PFKFB3: variants seen among roughly 807,000 people sequenced by gnomAD.
PFKFB3 encodes 6-phosphofructo-2-kinase/fructose-2,6-bisphosphatase 3.
Under a neutral mutation model 68.0 loss-of-function variants are expected in PFKFB3, and 33 were observed. The observed-to-expected ratio is 0.49, with a 90% CI of 0.37 to 0.65. PFKFB3 has a LOEUF of 0.65. PFKFB3 is among the 30% of genes least tolerant of loss of function. PFKFB3 has a pLI of 0.00. For synonymous variants in PFKFB3, 315 were observed against 288.2 expected (o/e 1.09, Z -0.94); for missense variants, 586 against 712.2 (o/e 0.82, Z 2.02).
downstream of PFKFB3, among the ~76,000 whole-genome samples, chr10:6,240,091 A>G (rs1846106189): frequency 1.3e-5 from 2 of 152,208 alleles, no homozygotes; most frequent in South Asian, 2.1e-4. Flanking sequence ...TACATTCACA[A>G]TAGTCTTTTA....
intron 1 of PFKFB3, among the ~76,000 whole-genome samples, chr10:6,210,275 A>G (rs181908206): frequency 2.5e-5 from 3 of 119,200 alleles, no homozygotes; most frequent in African/African-American, 7.8e-5. Context: ...CATCTGTCCA[A>G]GACAGTGGTG....
chr10:6,189,944 T>C (rs1377451607), intron 1 of PFKFB3, among the ~76,000 whole-genome samples: 1 of 152,040 alleles, frequency 6.6e-6, no homozygotes, highest in Non-Finnish European at 1.5e-5. Context: ...CAAATATCTG[T>C]TTTTATTTTT....
chr10:6,254,360 C>T (rs1807754476), exon 15 of PFKFB3: 1 of 398,520 alleles, frequency 2.5e-6, no homozygotes, highest in Non-Finnish European at 4.4e-6. Flanking sequence ...CTGCGGCAAG[C>T]GGCTCCTAAT....
intron 6 of PFKFB3, 58 bp from the exon 7 acceptor site, chr10:6,219,511 A>C (rs1844807413): frequency 6.8e-6 from 11 of 1,606,504 alleles, no homozygotes; most frequent in Non-Finnish European, 9.4e-6. Context: ...AATCCTGCTT[A>C]ATCTCAGCAG....
Position 6,221,679 on chromosome 10 carries a change from C to T in PFKFB3, c.1017C>T (p.Asp339=). ...AGCTGACCTACGAGGAGATCAGGGA[C>T]ACCTACCCTGAGGAGTATGCGCTGC... The part of the protein sequence containing the change: ...CEELTYEEIR[D]TYPEEYALRE... The change falls in exon 10 of 15, where the codon GAC becomes GAT. Residue 339 remains aspartate, a synonymous_variant. Coordinates refer to ENST00000379775, the MANE Select transcript of PFKFB3 (RefSeq NM_004566.4). The T allele has an allele frequency of 5.6e-6, 9 of 1,610,934 alleles. No individual in the cohort carries two copies. The highest frequency in any genetic ancestry group is 7.6e-6 in the Non-Finnish European group (9 of 1,178,936).
the PFKFB3 span, among the ~76,000 whole-genome samples, chr10:6,292,011 T>A: frequency 7.1e-6 from 1 of 140,978 alleles, no homozygotes; most frequent in Non-Finnish European, 1.5e-5. Context: ...TGGCATACAG[T>A]GGTTTGATCT....
intron 14 of PFKFB3, among the ~76,000 whole-genome samples, chr10:6,241,796 T>C (rs1283199077): frequency 6.6e-6 from 1 of 152,132 alleles, no homozygotes; most frequent in Non-Finnish European, 1.5e-5. Context: ...ATTTGTATTG[T>C]GGTGTTCTAA....
rs557742706 is a variant in PFKFB3 at position 6,234,921 on chromosome 10, G to A, written c.*1979G>A. 3 of 151,234 alleles carry A rather than the reference G, an allele frequency of 2.0e-5. No individual in the cohort carries two copies. In the South Asian group the frequency reaches 6.3e-4, roughly 32 times the overall value. 9.4% of individuals were successfully genotyped at this position (151,234 alleles called of 1,614,324 possible). On this transcript the variant is annotated 3_prime_UTR_variant, in exon 15 of 15. Coordinates refer to ENST00000379775, the MANE Select transcript of PFKFB3 (RefSeq NM_004566.4). ...GCGAAGGGCCTAGATAGGGAGAGAGGTAACATGAATCTGGACAGGGAGGGA... is the reference window on the plus strand; with the variant it reads ...GCGAAGGGCCTAGATAGGGAGAGAGATAACATGAATCTGGACAGGGAGGGA...
intron 6 of PFKFB3, 46 bp from the exon 7 acceptor site, chr10:6,219,523 A>C: frequency 6.2e-7 from 1 of 1,612,288 alleles, no homozygotes; most frequent in South Asian, 1.1e-5. Context: ...TCTCAGCAGA[A>C]AGCCTTCCAG....
intron 1 of PFKFB3, among the ~76,000 whole-genome samples, chr10:6,211,717 G>T (rs540657769): frequency 1.3e-5 from 2 of 152,332 alleles, no homozygotes; most frequent in Non-Finnish European, 2.9e-5. Context: ...ATCTGTTTTC[G>T]AGGAACTGTT....
chr10:6,226,588 G>C (rs1198043975), intron 14 of PFKFB3: 1 of 554,622 alleles, frequency 1.8e-6, no homozygotes, highest in African/African-American at 2.0e-5. Context: ...TTAAGATCCT[G>C]GGGGCTTTCC....
chr10:6,294,575 C>CACATGACACAT, the PFKFB3 span: 1 of 166,980 alleles, frequency 6.0e-6, no homozygotes, highest in African/African-American at 2.4e-5. Context: ...ATGGGAATTA[C>CACATGACACAT]GGGAGCTACA....
chr10:6,231,441 A>G (rs1311016210), intron 14 of PFKFB3: 3 of 1,515,980 alleles, frequency 2.0e-6, no homozygotes, highest in Non-Finnish European at 2.6e-6. Context: ...GTGCAACACC[A>G]TTGTCGTGAG....
At chr10:6,175,675 A>G (rs138755854) in intron 1 of PFKFB3, among the ~76,000 whole-genome samples, 313 of 152,352 alleles carry the variant, frequency 2.1e-3, no homozygotes, top group African/African-American at 7.0e-3. Flanking sequence ...GTAAGCCAAA[A>G]AAAGCTTAGC....
the PFKFB3 span, among the ~76,000 whole-genome samples, chr10:6,290,761 C>T: frequency 1.3e-5 from 2 of 152,110 alleles, no homozygotes; most frequent in Non-Finnish European, 2.9e-5. Context: ...GCCTTGGCCT[C>T]CCAGAGTGTT....
At chr10:6,288,325 T>G in the PFKFB3 span, among the ~76,000 whole-genome samples, 3 of 149,876 alleles carry the variant, frequency 2.0e-5, no homozygotes, top group Non-Finnish European at 3.0e-5. Context: ...TTAGCATTAG[T>G]TATATCTCCT....
At position 6,222,830 on chromosome 10, in the gene PFKFB3, C is replaced by T. The variant is rs372111622; in HGVS notation, c.1084-25C>T. ...GCCCCTCCCGAGTGCCCTGAGCTCACGTGGGCCCGGCCCTCTGTGCTCAGT... is the reference window on the plus strand; with the variant it reads ...GCCCCTCCCGAGTGCCCTGAGCTCATGTGGGCCCGGCCCTCTGTGCTCAGT... On this transcript the variant is annotated intron_variant, in intron 10 of 14. Transcript: ENST00000379775. The T allele has an allele frequency of 1.2e-4, 200 of 1,601,958 alleles. No individual in the cohort carries two copies. In the African/African-American group the frequency reaches 2.2e-3, roughly 17 times the overall value.
chr10:6,225,619 G>A (rs1845288997), intron 13 of PFKFB3, among the ~76,000 whole-genome samples: 2 of 152,212 alleles, frequency 1.3e-5, no homozygotes, highest in South Asian at 4.1e-4. Context: ...GCTGTGTCTG[G>A]TCCTGGCCGC....
At chr10:6,166,428 C>T (rs1235285116) in intron 1 of PFKFB3, among the ~76,000 whole-genome samples, 1 of 152,048 alleles carries the variant, frequency 6.6e-6, no homozygotes, top group Non-Finnish European at 1.5e-5. Context: ...CCTCCTTCCA[C>T]TCAATGCATC....
Sources: gnomAD v4.1 joint callset for allele counts (sites outside exome capture counted in the v4.1 genomes callset) on GRCh38, gnomAD v4.1.1 for gene constraint, MANE v1.5 for transcripts, NCBI Gene and HGNC (gene_info 2026-07-23, HGNC 2026-07-21) for gene names.